The following ST3GAL6 variants were observed in gnomAD, a reference collection of about 807,000 sequenced individuals.
ST3GAL6 encodes the protein ST3 beta-galactoside alpha-2,3-sialyltransferase 6, also known as type 2 lactosamine alpha-2,3-sialyltransferase.
A neutral mutation model predicts 40.5 loss-of-function variants in ST3GAL6; 31 were observed. The observed-to-expected ratio is 0.77, with a 90% CI of 0.58 to 1.03. The LOEUF (loss-of-function observed/expected upper bound fraction) is 1.03, where lower values mean the gene tolerates loss of function less well. Ranked by LOEUF, ST3GAL6 falls within the 50% of genes least tolerant of loss-of-function variation. The pLI is 0.00. For synonymous variants in ST3GAL6, 129 were observed against 136.9 expected, an observed-to-expected ratio of 0.94 and a Z score of 0.40; for missense variants, 357 against 393.2, an observed-to-expected ratio of 0.91 and a Z score of 0.78.
intron 1 of ST3GAL6, among the ~76,000 whole-genome samples, chr3:98,754,082 G>T (rs912415919): frequency 6.6e-6 from 1 of 152,182 alleles, no homozygotes; most frequent in African/African-American, 2.4e-5. Context: ...AATATAGTTT[G>T]TAAAGCTCTA....
chr3:98,763,390 G>A lies in ST3GAL6; in HGVS notation c.-61G>A, dbSNP rs1259720359. 21 of 1,289,710 alleles carry A rather than the reference G, an allele frequency of 1.6e-5. 1 individual carries two copies. The South Asian group carries it at 2.6e-4, about 16-fold the overall frequency. 79.9% of individuals were successfully genotyped at this position (1,289,710 alleles called of 1,614,324 possible). A position where few individuals can be genotyped will look rare whatever the true frequency, so the allele number is the denominator to read the frequency against. On this transcript the variant is annotated 5_prime_UTR_variant, in exon 1 of 10. Transcript: ENST00000483910. Reference sequence around the variant, plus strand: ...CTAGGATGGATGACGGCCTGTCCAGGGGCTGAATGGACACAGGTGTCAGCA... The same window carrying A: ...CTAGGATGGATGACGGCCTGTCCAGAGGCTGAATGGACACAGGTGTCAGCA...
chr3:98,783,439 T>G (rs1251284346), intron 5 of ST3GAL6: 1 of 509,962 alleles, frequency 2.0e-6, no homozygotes. Context: ...AGTGTCCCCT[T>G]GCCGGCAACA....
intron 2 of ST3GAL6, among the ~76,000 whole-genome samples, 200 bp downstream of exon 2, chr3:98,768,729 A>C (rs1938642846): frequency 6.6e-6 from 1 of 152,048 alleles, no homozygotes; most frequent in Non-Finnish European, 1.5e-5. Flanking sequence ...AGCAACACCT[A>C]CTTTCTATTG....
intron 3 of ST3GAL6, among the ~76,000 whole-genome samples, chr3:98,771,581 C>T (rs958272289): frequency 6.6e-6 from 1 of 152,154 alleles, no homozygotes; most frequent in African/African-American, 2.4e-5. Context: ...AAAACAGGCA[C>T]AATCTGTTCA....
At chr3:98,746,198 G>A (rs77077406) in intron 1 of ST3GAL6, among the ~76,000 whole-genome samples, 2,347 of 152,244 alleles carry the variant, frequency 0.015, 66 homozygotes, top group African/African-American at 0.054. Context: ...AATTTCAGTT[G>A]ATTTCAGGGG....
At chr3:98,756,308 AC>A (rs1937414076) in intron 1 of ST3GAL6, 1 of 1,251,674 alleles carries the variant, frequency 8.0e-7, no homozygotes, top group Non-Finnish European at 1.0e-6. Flanking sequence ...AAATGACTTT[AC>A]ATTTTTCTGG....
chr3:98,793,442 G>GTCTT (rs1559759316), intron 9 of ST3GAL6, among the ~76,000 whole-genome samples: 1 of 152,232 alleles, frequency 6.6e-6, no homozygotes, highest in African/African-American at 2.4e-5. Context: ...ATATGAAGGA[G>GTCTT]TCTTACTTAT....
chr3:98,767,173 A>G (rs1576083201), intron 1 of ST3GAL6, among the ~76,000 whole-genome samples: 1 of 152,330 alleles, frequency 6.6e-6, no homozygotes, highest in South Asian at 2.1e-4. Context: ...AAAGCAACTC[A>G]ACCAGATAAT....
intron 1 of ST3GAL6, among the ~76,000 whole-genome samples, chr3:98,757,584 A>C (rs193179939): frequency 6.6e-6 from 1 of 152,164 alleles, no homozygotes; most frequent in African/African-American, 2.4e-5. Context: ...AAAAGATGGA[A>C]GTATTTTGAG....
At chr3:98,741,026 C>T (rs543475986) in intron 1 of ST3GAL6, among the ~76,000 whole-genome samples, 15 of 148,302 alleles carry the variant, frequency 1.0e-4, no homozygotes, top group African/African-American at 3.5e-4. Context: ...ATAAAGGGAT[C>T]CATGGGCATA....
intron 9 of ST3GAL6, 77 bp from the exon 10 acceptor site, chr3:98,793,598 A>G: frequency 3.5e-6 from 3 of 845,842 alleles, no homozygotes; most frequent in Non-Finnish European, 5.3e-6. Flanking sequence ...ATTTTTTTAG[A>G]TATAAAGTAC....
At chr3:98,736,558 G>C (rs1935562364) in intron 1 of ST3GAL6, among the ~76,000 whole-genome samples, 1 of 152,166 alleles carries the variant, frequency 6.6e-6, no homozygotes, top group South Asian at 2.1e-4. Flanking sequence ...TCACTATGCT[G>C]AAAGATGGGG....
intron 6 of ST3GAL6, among the ~76,000 whole-genome samples, chr3:98,786,877 T>C (rs1940768915): frequency 6.6e-6 from 1 of 151,796 alleles, no homozygotes; most frequent in Non-Finnish European, 1.5e-5. Context: ...GTCCCTCTGA[T>C]GTAGTGAGGG....
At chr3:98,744,242 C>T (rs934315129) in intron 1 of ST3GAL6, among the ~76,000 whole-genome samples, 1 of 152,178 alleles carries the variant, frequency 6.6e-6, no homozygotes, top group Non-Finnish European at 1.5e-5. Flanking sequence ...TTCTGGCCTC[C>T]AGAACTGTGA....
At chr3:98,740,797 A>G (rs993755384) in intron 1 of ST3GAL6, among the ~76,000 whole-genome samples, 1 of 152,132 alleles carries the variant, frequency 6.6e-6, no homozygotes, top group Non-Finnish European at 1.5e-5. Flanking sequence ...TATTATGACA[A>G]TTCTATTCTT....
At chr3:98,790,381 A>C (rs1010434630) in intron 8 of ST3GAL6, among the ~76,000 whole-genome samples, 1 of 152,192 alleles carries the variant, frequency 6.6e-6, no homozygotes, top group Non-Finnish European at 1.5e-5. Flanking sequence ...GAGTAAAGAT[A>C]CAGGTAAGAT....
chr3:98,787,963 C>T, intron 6 of ST3GAL6, 73 bp from the exon 7 acceptor site: 1 of 1,386,410 alleles, frequency 7.2e-7, no homozygotes, highest in African/African-American at 1.4e-5. Context: ...AACTCTGAAA[C>T]CTCTGAGAAC....
At chr3:98,766,986 A>C (rs1938422966) in intron 1 of ST3GAL6, among the ~76,000 whole-genome samples, 3 of 152,168 alleles carry the variant, frequency 2.0e-5, no homozygotes, top group Non-Finnish European at 4.4e-5. Context: ...CTTCACAGGG[A>C]TTATGTATAC....
At chr3:98,741,092 G>A (rs1385672337) in intron 1 of ST3GAL6, among the ~76,000 whole-genome samples, 2 of 151,014 alleles carry the variant, frequency 1.3e-5, no homozygotes, top group African/African-American at 4.9e-5. Flanking sequence ...GTGCATGCAT[G>A]TATGTACATA....
Sources: allele counts gnomAD v4.1 joint callset (sites outside exome capture counted in the v4.1 genomes callset), GRCh38; gene constraint gnomAD v4.1.1; transcripts MANE v1.5; gene names NCBI Gene and HGNC (gene_info 2026-07-23, HGNC 2026-07-21).